PCDH15: variants seen among roughly 807,000 people sequenced by gnomAD.
The protein encoded by PCDH15 is protocadherin-15.
In PCDH15, 129 loss-of-function variants were observed where a neutral mutation model predicts 178.5. The ratio of observed to expected loss-of-function variants is 0.72; its 90% confidence interval spans 0.63 to 0.84. The LOEUF (loss-of-function observed/expected upper bound fraction) is 0.84, where lower values mean the gene tolerates loss of function less well. Among genes scored for constraint, PCDH15 ranks in the 40% least tolerant of loss-of-function variants. PCDH15 has a pLI of 0.00. For synonymous variants in PCDH15, 800 were observed against 732.0 expected, an observed-to-expected ratio of 1.09 and a Z score of -1.50; for missense variants, 2,230 against 2,099.9, an observed-to-expected ratio of 1.06 and a Z score of -1.21.
chr10:55,452,599 AT>A (rs1436973137), intron 2 of PCDH15, among the ~76,000 whole-genome samples: 1 of 152,160 alleles, frequency 6.6e-6, no homozygotes, highest in Non-Finnish European at 1.5e-5. Context: ...TTGTTCTTTT[AT>A]GGTGTATACT....
At chr10:54,273,902 T>C (rs1345010546) in intron 8 of PCDH15, among the ~76,000 whole-genome samples, 1 of 152,042 alleles carries the variant, frequency 6.6e-6, no homozygotes. Flanking sequence ...CCACCAGTGG[T>C]CTGCGGGATA....
chr10:55,431,594 A>C (rs1187130153), intron 2 of PCDH15, among the ~76,000 whole-genome samples: 1 of 152,194 alleles, frequency 6.6e-6, no homozygotes, highest in African/African-American at 2.4e-5. Flanking sequence ...AGTATTTTCA[A>C]AATAGCAATC....
intron 2 of PCDH15, among the ~76,000 whole-genome samples, chr10:54,999,902 A>C (rs1839758566): frequency 6.6e-6 from 1 of 152,176 alleles, no homozygotes; most frequent in Non-Finnish European, 1.5e-5. Context: ...AAAACCAGCA[A>C]GTTTTTATTA....
chr10:54,357,833 A>G (rs1945287460), intron 5 of PCDH15, among the ~76,000 whole-genome samples: 2 of 152,150 alleles, frequency 1.3e-5, no homozygotes, highest in African/African-American at 4.8e-5. Flanking sequence ...TCAATGGAAC[A>G]GAACAGAGCC....
chr10:55,358,091 T>C (rs1406970175), intron 2 of PCDH15, among the ~76,000 whole-genome samples: 1 of 152,090 alleles, frequency 6.6e-6, no homozygotes, highest in African/African-American at 2.4e-5. Context: ...AATCCAGTAC[T>C]GGGTTTATTA....
intron 2 of PCDH15, among the ~76,000 whole-genome samples, chr10:55,336,204 A>G (rs1213872732): frequency 6.6e-6 from 1 of 151,530 alleles, no homozygotes; most frequent in Non-Finnish European, 1.5e-5. Flanking sequence ...AGCAGGGCAT[A>G]AAACAATTCT....
chr10:54,929,033 T>C (rs190761285), intron 2 of PCDH15, among the ~76,000 whole-genome samples: 1 of 152,336 alleles, frequency 6.6e-6, no homozygotes, highest in African/African-American at 2.4e-5. Context: ...AGTTATTGCA[T>C]TGGTTCTTTC....
chr10:54,431,721 CT>C (rs1448084930), intron 3 of PCDH15, among the ~76,000 whole-genome samples: 1 of 152,130 alleles, frequency 6.6e-6, no homozygotes. Context: ...ACTTTCATTA[CT>C]GTTGTTTAAC....
At chr10:55,118,667 G>A (rs570224059) in intron 2 of PCDH15, among the ~76,000 whole-genome samples, 2 of 152,288 alleles carry the variant, frequency 1.3e-5, no homozygotes, top group African/African-American at 2.4e-5. Flanking sequence ...CCACCAAAGG[G>A]TCTTGTAAAA....
chr10:55,298,207 T>C (rs1843183440), intron 1 of PCDH15, among the ~76,000 whole-genome samples: 1 of 152,184 alleles, frequency 6.6e-6, no homozygotes. Flanking sequence ...GGAATAAGAA[T>C]GCATTTAAAC....
intron 3 of PCDH15, among the ~76,000 whole-genome samples, chr10:54,884,480 G>GGTGTGTGTGT (rs11473798): frequency 0.028 from 4,091 of 148,690 alleles, 174 homozygotes; most frequent in African/African-American, 0.092. Flanking sequence ...TACTAAGATA[G>GGTGTGTGTGT]GTGTGTGTGT....
chr10:54,357,267 C>T (rs36166032), intron 5 of PCDH15, among the ~76,000 whole-genome samples: 17,462 of 152,104 alleles, frequency 0.11, 1,777 homozygotes, highest in African/African-American at 0.28. Flanking sequence ...GAAAACCCCA[C>T]TGTCTCAGCC....
chr10:55,506,490 A>C (rs556954568), intron 2 of PCDH15, among the ~76,000 whole-genome samples: 85 of 151,694 alleles, frequency 5.6e-4, no homozygotes, highest in African/African-American at 2.0e-3. Flanking sequence ...GTGAGTAGAG[A>C]GCTACATAAG....
At chr10:54,714,623 CT>C (rs1329688889) in intron 1 of PCDH15, among the ~76,000 whole-genome samples, 1 of 152,010 alleles carries the variant, frequency 6.6e-6, no homozygotes, top group Non-Finnish European at 1.5e-5. Context: ...TCTTACATAT[CT>C]TAGGATATCT....
In PCDH15 at chr10:55,606,422, AG is replaced by A. The variant is rs1177480957; in HGVS notation, c.-156+21202del. Among the ~76,000 whole-genome samples, 3 of 151,324 alleles carry A rather than the reference AG, an allele frequency of 2.0e-5. No individual in the cohort carries two copies. The Admixed American group carries it at 2.0e-4, about 10-fold the overall frequency. On this transcript the variant is annotated intron_variant, in intron 2 of 5. Transcript: ENST00000613346. ...TTTAAAGTTCATATGGAACCAAAAAAGAGCCCGCATTGCCAAGTCAACCATA... is the reference window on the plus strand; with the variant it reads ...TTTAAAGTTCATATGGAACCAAAAAAAGCCCGCATTGCCAAGTCAACCATA...
Position 55,040,883 on chromosome 10 carries a change from A to T in PCDH15, c.-80+125693T>A, listed in dbSNP as rs187979952. 2.6e-5 allele frequency among the ~76,000 whole-genome samples: 4 copies of T among 152,138 alleles called. No homozygotes were observed. The East Asian group carries it at 7.7e-4, about 29-fold the overall frequency. Reference sequence around the variant, plus strand: ...TTATTTGTATCTGCAGAGAGAGATGAGATAAACATTGTGAAGTAATAACCA... The same window carrying T: ...TTATTTGTATCTGCAGAGAGAGATGTGATAAACATTGTGAAGTAATAACCA... On this transcript the variant is annotated intron_variant, in intron 2 of 5. Coordinates refer to the PCDH15 transcript ENST00000458638.
At chr10:55,431,185 A>G (rs888986620) in intron 2 of PCDH15, among the ~76,000 whole-genome samples, 2 of 152,210 alleles carry the variant, frequency 1.3e-5, no homozygotes, top group African/African-American at 4.8e-5. Context: ...TATACACAAC[A>G]GCTTTAAGTA....
chr10:54,814,985 C>A (rs959333853), intron 3 of PCDH15, among the ~76,000 whole-genome samples: 2 of 152,182 alleles, frequency 1.3e-5, no homozygotes, highest in Middle Eastern at 3.4e-3. Flanking sequence ...GTGATAGTGT[C>A]TTTGTCACCC....
chr10:54,256,190 GAGA>G (rs1201144609), intron 8 of PCDH15, among the ~76,000 whole-genome samples: 1 of 152,164 alleles, frequency 6.6e-6, no homozygotes, highest in Non-Finnish European at 1.5e-5. Flanking sequence ...TCCTACTGAA[GAGA>G]AGAAGTTGCC....
Sources: gnomAD v4.1 joint callset for allele counts (sites outside exome capture counted in the v4.1 genomes callset) on GRCh38, gnomAD v4.1.1 for gene constraint, MANE v1.5 for transcripts, NCBI Gene and HGNC (gene_info 2026-07-23, HGNC 2026-07-21) for gene names.